Variants in RNF212B observed in about 807,000 individuals in gnomAD.
RNF212B encodes ring finger protein 212B.
RNF212B carries 52 observed loss-of-function variants against 55.5 expected under a neutral mutation model. That is an observed-to-expected ratio of 0.94 (90% CI 0.75 to 1.18). RNF212B has a LOEUF of 1.18. Ranked by LOEUF, RNF212B falls within the 50% of genes most tolerant of loss-of-function variation. The pLI, the probability that RNF212B is intolerant of heterozygous loss-of-function variation, is 0.00. For synonymous variants in RNF212B, 99 were observed against 121.4 expected (o/e 0.82, Z 1.21); for missense variants, 289 against 350.4 (o/e 0.82, Z 1.40).
At chr14:23,196,757 T>C (rs570132204) in intron 2 of RNF212B, among the ~76,000 whole-genome samples, 1 of 152,210 alleles carries the variant, frequency 6.6e-6, no homozygotes, top group South Asian at 2.1e-4. Flanking sequence ...GGGCTTTTTT[T>C]GTGTCCATGC....
At chr14:23,239,484 T>G (rs1204104823) in intron 1 of RNF212B, among the ~76,000 whole-genome samples, 2 of 152,182 alleles carry the variant, frequency 1.3e-5, no homozygotes, top group Non-Finnish European at 2.9e-5. Flanking sequence ...AAGTGGCTAA[T>G]ATGTGATCTT....
rs374997087 is a variant in RNF212B at position 23,227,945 on chromosome 14, G to A, written c.-1-12400G>A. On this transcript the variant is annotated intron_variant, in intron 2 of 15. Coordinates refer to the RNF212B transcript ENST00000399910. Reference sequence around the variant, plus strand: ...AAAAGTTTTTTAAAAATCTCATCAGGCAATGCCAGGCATGGTGGCTCAAGC... The same window carrying A: ...AAAAGTTTTTTAAAAATCTCATCAGACAATGCCAGGCATGGTGGCTCAAGC... Among the ~76,000 whole-genome samples, 58 of 150,986 alleles carry A rather than the reference G, an allele frequency of 3.8e-4. No individual in the cohort carries two copies. In the East Asian group the frequency reaches 9.7e-3, roughly 25 times the overall value.
intron 1 of RNF212B, among the ~76,000 whole-genome samples, chr14:23,238,265 G>GT (rs35468129): frequency 0.18 from 28,070 of 152,036 alleles, 4,652 homozygotes; most frequent in African/African-American, 0.45. Flanking sequence ...CTTTTCAGTG[G>GT]TTTTTTAGAC....
intron 2 of RNF212B, among the ~76,000 whole-genome samples, chr14:23,206,024 C>T (rs1017525887): frequency 3.6e-4 from 55 of 152,134 alleles, no homozygotes; most frequent in Non-Finnish European, 1.9e-4. Context: ...AATTTTAAAG[C>T]TAGTTTATTT....
At chr14:23,208,992 T>TTGG (rs1226763510) in intron 2 of RNF212B, among the ~76,000 whole-genome samples, 11 of 152,056 alleles carry the variant, frequency 7.2e-5, no homozygotes, top group African/African-American at 2.7e-4. Context: ...TCTCCTGACC[T>TTGG]CGTGATCCGC....
chr14:23,187,095 T>C (rs911031863), intron 1 of RNF212B, among the ~76,000 whole-genome samples: 17 of 152,206 alleles, frequency 1.1e-4, no homozygotes, highest in Admixed American at 1.1e-3. Context: ...AAGTACGTAG[T>C]ACAATTCTGT....
At chr14:23,262,201 C>T (rs970479400) in intron 7 of RNF212B, among the ~76,000 whole-genome samples, 1 of 152,028 alleles carries the variant, frequency 6.6e-6, no homozygotes, top group Non-Finnish European at 1.5e-5. Context: ...CTGTAAGCCT[C>T]TCAGTTATTC....
At chr14:23,270,000 T>C (rs779056584) in intron 13 of RNF212B, 40 bp downstream of exon 13, 154 of 1,011,578 alleles carry the variant, frequency 1.5e-4, no homozygotes, top group Non-Finnish European at 2.2e-4. Context: ...GAGCTTCAAC[T>C]ATAGACACAT....
At chr14:23,215,716 A>C (rs966799756) in intron 2 of RNF212B, among the ~76,000 whole-genome samples, 4 of 152,354 alleles carry the variant, frequency 2.6e-5, no homozygotes, top group African/African-American at 9.6e-5. Flanking sequence ...GTACCCTAAA[A>C]GAATGGCTAA....
intron 2 of RNF212B, among the ~76,000 whole-genome samples, chr14:23,208,765 T>TTTG (rs1880127837): frequency 7.7e-6 from 1 of 129,240 alleles, no homozygotes. Flanking sequence ...CCGTTTTTTT[T>TTTG]TTTTTTTTTT....
At chr14:23,266,964 GT>G (rs1359355577) in intron 11 of RNF212B, among the ~76,000 whole-genome samples, 1 of 152,008 alleles carries the variant, frequency 6.6e-6, no homozygotes, top group African/African-American at 2.4e-5. Context: ...GTGGTTTTTG[GT>G]TTTTTGTTTT....
upstream of RNF212B, among the ~76,000 whole-genome samples, chr14:23,237,627 T>C (rs1392214691): frequency 6.6e-6 from 1 of 152,252 alleles, no homozygotes; most frequent in Non-Finnish European, 1.5e-5. Flanking sequence ...CCACAATTTA[T>C]ATTGCGTTCT....
chr14:23,198,689 C>A (rs917962651), intron 2 of RNF212B, among the ~76,000 whole-genome samples: 1 of 150,018 alleles, frequency 6.7e-6, no homozygotes, highest in Non-Finnish European at 1.5e-5. Context: ...AAAAAAGGTC[C>A]ACGTACTGTA....
chr14:23,199,848 CAGTT>C (rs1594865014), intron 2 of RNF212B, among the ~76,000 whole-genome samples: 1 of 151,780 alleles, frequency 6.6e-6, no homozygotes, highest in Non-Finnish European at 1.5e-5. Context: ...TGTTTAGTCT[CAGTT>C]AGCTGGGCTT....
intron 5 of RNF212B, 61 bp downstream of exon 5, chr14:23,258,725 A>C (rs921886486): frequency 5.5e-6 from 4 of 732,896 alleles, no homozygotes; most frequent in African/African-American, 3.8e-5. Flanking sequence ...AAGAAGTGAC[A>C]GTCCTTATTG....
At chr14:23,244,229 T>G (rs1883831465) in intron 3 of RNF212B, 93 bp from the exon 4 acceptor site, 1 of 679,512 alleles carries the variant, frequency 1.5e-6, no homozygotes, top group African/African-American at 1.8e-5. Flanking sequence ...GTCAGGTACA[T>G]TAGAAAAGGT....
intron 2 of RNF212B, among the ~76,000 whole-genome samples, chr14:23,230,676 A>AAAAAC (rs1566413500): frequency 2.0e-5 from 3 of 151,078 alleles, no homozygotes; most frequent in African/African-American, 7.3e-5. Flanking sequence ...AAAAAAAAAA[A>AAAAAC]AAAAAAACCA....
intron 2 of RNF212B, among the ~76,000 whole-genome samples, chr14:23,213,830 T>C (rs1261172510): frequency 6.6e-6 from 1 of 152,164 alleles, no homozygotes; most frequent in Non-Finnish European, 1.5e-5. Flanking sequence ...GCTTAGTATA[T>C]AATCAAAAAG....
chr14:23,258,230 C>T (rs547925050), intron 4 of RNF212B, among the ~76,000 whole-genome samples: 3 of 149,738 alleles, frequency 2.0e-5, no homozygotes, highest in African/African-American at 4.9e-5. Context: ...CCCAGCTATT[C>T]GGGAGGCTGA....
Sources: gnomAD v4.1 joint callset for allele counts (sites outside exome capture counted in the v4.1 genomes callset) on GRCh38, gnomAD v4.1.1 for gene constraint, MANE v1.5 for transcripts, NCBI Gene and HGNC (gene_info 2026-07-23, HGNC 2026-07-21) for gene names.